Variants in FUS observed in about 807,000 individuals in gnomAD.
FUS encodes the protein FUS RNA binding protein.
FUS carries 5 observed loss-of-function variants against 82.7 expected under a neutral mutation model. That is an observed-to-expected ratio of 0.06 (90% CI 0.03 to 0.13). FUS has a LOEUF of 0.13. Among genes scored for constraint, FUS ranks in the 10% least tolerant of loss-of-function variants. The pLI is 1.00. For missense variants in FUS, 512 were observed against 707.8 expected, an observed-to-expected ratio of 0.72 and a Z score of 3.14; for synonymous variants, 281 against 247.4, an observed-to-expected ratio of 1.14 and a Z score of -1.27.
chr16:31,193,191 C>T (rs755616157), downstream of FUS: 23 of 491,236 alleles, frequency 4.7e-5, 1 homozygote, highest in South Asian at 3.1e-4. Context: ...ATGTGCACAC[C>T]TCAGCCTCCC....
At chr16:31,189,948 T>G in intron 10 of FUS, 92 bp from the exon 11 acceptor site, 11 of 1,558,042 alleles carry the variant, frequency 7.1e-6, no homozygotes, top group Non-Finnish European at 8.8e-6. Context: ...GTCAGCAGAT[T>G]ATAAACCATT....
chr16:31,180,297 C>T (rs1430236888), intron 1 of FUS, 70 bp downstream of exon 1: 1 of 1,555,486 alleles, frequency 6.4e-7, no homozygotes, highest in African/African-American at 1.4e-5. Flanking sequence ...TTTTCGTTTT[C>T]AGTGGGACCG....
At chr16:31,184,875 C>G in intron 5 of FUS, 64 bp from the exon 6 acceptor site, 1 of 1,557,762 alleles carries the variant, frequency 6.4e-7, no homozygotes, top group Non-Finnish European at 8.8e-7. Context: ...CCTTTTCAAA[C>G]CTTTTAGTGC....
chr16:31,193,827 T>A (rs573290205), downstream of FUS: 2 of 513,752 alleles, frequency 3.9e-6, no homozygotes, highest in Non-Finnish European at 7.5e-6. Context: ...TACTTTTTTT[T>A]TTTTAAGAAA....
downstream of FUS, chr16:31,193,138 C>G (rs988996719): frequency 1.0e-5 from 5 of 485,220 alleles, no homozygotes; most frequent in East Asian, 2.4e-4. Context: ...GACGGGGTTT[C>G]TCCATGTTGG....
Position 31,190,827 on chromosome 16 carries a change from G to C in FUS, c.1378G>C (p.Gly460Arg), listed in dbSNP as rs1476821942. 6.2e-7 allele frequency: 1 copy of C among 1,614,044 alleles called. No individual in the cohort carries two copies. Among genetic ancestry groups the C allele is most frequent in the African/African-American group, 1.3e-5 (1 of 74,942 alleles). Residue 460 changes from glycine to arginine, a missense_variant, in exon 13 of 15, where the codon GGT (glycine) becomes CGT (arginine). Transcript: ENST00000254108. ...PKPDGPGGGP[G>R]GSHMGGNYGD... ...ACCAGATGGCCCAGGAGGGGGACCA[G>C]GTGGCTCTCACATGGGTAAGAAAGG...
At position 31,190,493 on chromosome 16, in the gene FUS, T is replaced by C. The variant is rs1049951343; in HGVS notation, c.1292+95T>C. 54 of 1,570,976 alleles carry C rather than the reference T, an allele frequency of 3.4e-5. No individual in the cohort carries two copies. The African/African-American group carries it at 7.0e-4, about 20-fold the overall frequency. On this transcript the variant is annotated intron_variant, in intron 12 of 14. Transcript: ENST00000254108. ...TGTGCGTGTTTTCCAAAGAAGTAAA[T>C]GTCAAGGCCACACTGTTGGGGTCAG...
At position 31,181,658 on chromosome 16, in the gene FUS, C is replaced by A. The variant is rs74633910; in HGVS notation, c.14-740C>A. ...GGGCTGAGAGAGCAGAGGCCACAAT[C>A]TGAACACTGTTCGAATTCAAACCTG... On this transcript the variant is annotated intron_variant, in intron 1 of 14. Transcript: ENST00000254108. Among the ~76,000 whole-genome samples the A allele has an allele frequency of 9.8e-5, 15 of 152,320 alleles. No homozygotes were observed. In the East Asian group the frequency reaches 2.7e-3, roughly 27 times the overall value.
rs371298981 is a variant in FUS at position 31,184,205 on chromosome 16, C to T, written c.336-4C>T. 1 of 1,614,116 alleles carries T rather than the reference C, an allele frequency of 6.2e-7. No individual in the cohort carries two copies. Among genetic ancestry groups the T allele is most frequent in the East Asian group, 2.2e-5 (1 of 44,890 alleles). ...TGATTGTGTTTTTTGTTTGTTTTCC[C>T]TAGTTACGGTAGCAGTTCTCAGAGC... is the stretch of plus-strand genomic sequence containing the variant. On this transcript the variant is annotated splice_polypyrimidine_tract_variant and splice_region_variant and intron_variant, in intron 4 of 14. Transcript: ENST00000254108.
In FUS at chr16:31,190,942, A is replaced by T. The variant is rs529176513; in HGVS notation, c.1394-21A>T. 62 of 1,610,498 alleles carry T rather than the reference A, an allele frequency of 3.8e-5. No homozygotes were observed. The Admixed American group carries it at 1.0e-3, about 26-fold the overall frequency. ...ACATAGGGGAATGGGAATATGATAG[A>T]TCTTGTTTCTTTTGTCCTAGGGGGT... On this transcript the variant is annotated intron_variant, in intron 13 of 14. Transcript: ENST00000254108.
chr16:31,181,174 C>G (rs757052199), intron 1 of FUS, among the ~76,000 whole-genome samples: 2 of 152,218 alleles, frequency 1.3e-5, no homozygotes, highest in Non-Finnish European at 2.9e-5. Context: ...CTGGGCCTCC[C>G]GAAGTGTCGG....
intron 14 of FUS, 69 bp from the exon 15 acceptor site, chr16:31,191,329 GA>G (rs1217579515): frequency 4.4e-6 from 7 of 1,588,206 alleles, no homozygotes; most frequent in Admixed American, 3.4e-5. Context: ...GGGCAGATAG[GA>G]TATCTAGGCT....
chr16:31,184,878 T>G, intron 5 of FUS, 61 bp from the exon 6 acceptor site: 1 of 1,568,008 alleles, frequency 6.4e-7, no homozygotes, highest in East Asian at 2.2e-5. Flanking sequence ...TTTCAAACCT[T>G]TTAGTGCTAC....
At chr16:31,186,917 T>A (rs2079279044) in intron 7 of FUS, 81 bp downstream of exon 7, 67 of 1,373,124 alleles carry the variant, frequency 4.9e-5, no homozygotes, top group Non-Finnish European at 6.5e-5. Flanking sequence ...CTTAGCGTGT[T>A]AATTTAAATG....
chr16:31,193,583 G>T (rs889675456), downstream of FUS: 5 of 529,740 alleles, frequency 9.4e-6, no homozygotes, highest in Non-Finnish European at 1.5e-5. Context: ...TCAAGTTCCT[G>T]TGTCCTTCAA....
At chr16:31,184,723 G>A (rs974022588) in intron 5 of FUS, among the ~76,000 whole-genome samples, 9 of 152,230 alleles carry the variant, frequency 5.9e-5, no homozygotes, top group South Asian at 2.1e-4. Flanking sequence ...GATTACAGGC[G>A]TGAGCCACTG....
At chr16:31,185,735 G>GT in intron 6 of FUS, 1 of 362,134 alleles carries the variant, frequency 2.8e-6, no homozygotes, top group South Asian at 2.4e-5. Flanking sequence ...GCTGACTGAA[G>GT]TAAGCAGACC....
At position 31,180,190 on chromosome 16, in the gene FUS, C is replaced by G. The variant is rs1293346511; in HGVS notation, c.-25C>G. ...AGCGGTGTTGGAACTTCGTTGCTTG[C>G]TTGCCTGTGCGCGCGTGCGCGGACA... On this transcript the variant is annotated 5_prime_UTR_variant, in exon 1 of 15. Coordinates refer to ENST00000254108, the MANE Select transcript of FUS (RefSeq NM_004960.4). 1.2e-6 allele frequency: 2 copies of G among 1,609,932 alleles called. No homozygotes were observed. The highest frequency in any genetic ancestry group is 1.7e-6 in the Non-Finnish European group (2 of 1,178,172).
chr16:31,180,292 G>C, intron 1 of FUS, 65 bp downstream of exon 1: 1 of 1,563,868 alleles, frequency 6.4e-7, no homozygotes, highest in Non-Finnish European at 8.7e-7. Flanking sequence ...TGGGCTTTTC[G>C]TTTTCAGTGG....
Sources: allele counts gnomAD v4.1 joint callset (sites outside exome capture counted in the v4.1 genomes callset), GRCh38; gene constraint gnomAD v4.1.1; transcripts MANE v1.5; gene names NCBI Gene and HGNC (gene_info 2026-07-23, HGNC 2026-07-21).